CLPSL1: variants seen among roughly 807,000 people sequenced by gnomAD.
CLPSL1 encodes colipase like 1, also known as colipase-like protein 1.
Under a neutral mutation model 9.3 loss-of-function variants are expected in CLPSL1, and 13 were observed. The ratio of observed to expected loss-of-function variants is 1.40; its 90% confidence interval spans 0.91 to 2.22. The LOEUF (loss-of-function observed/expected upper bound fraction) is 2.22. Among genes scored for constraint, CLPSL1 ranks in the 30% most tolerant of loss-of-function variants. CLPSL1 has a pLI of 0.00. For missense variants in CLPSL1, 164 were observed against 146.6 expected (o/e 1.12, Z -0.61); for synonymous variants, 58 against 56.9 (o/e 1.02, Z -0.08).
At chr6:35,785,759 CCTGT>C (rs1768057854) in intron 1 of CLPSL1, among the ~76,000 whole-genome samples, 1 of 151,962 alleles carries the variant, frequency 6.6e-6, no homozygotes, top group Non-Finnish European at 1.5e-5. Flanking sequence ...CCCACTCATG[CCTGT>C]CTAACTACCT....
At chr6:35,788,806 A>G (rs1210329423), downstream of CLPSL1, among the ~76,000 whole-genome samples, 4 of 152,280 alleles carry the variant, frequency 2.6e-5, no homozygotes, top group Admixed American at 2.6e-4. Flanking sequence ...AGGAAGTCTC[A>G]GTGTGTGGTG....
chr6:35,791,150 G>A (rs1361139381), downstream of CLPSL1, among the ~76,000 whole-genome samples: 2 of 152,234 alleles, frequency 1.3e-5, no homozygotes, highest in Non-Finnish European at 2.9e-5. Flanking sequence ...CCCTTCACAA[G>A]CCATGGGGAT....
Position 35,788,042 on chromosome 6 carries a change from C to T in CLPSL1, c.*32C>T, listed in dbSNP as rs1427151675. The T allele has an allele frequency of 2.6e-6, 4 of 1,530,948 alleles. No individual in the cohort carries two copies. The African/African-American group carries it at 4.1e-5, about 16-fold the overall frequency. 94.8% of individuals were successfully genotyped at this position (1,530,948 alleles called of 1,614,324 possible). A position where few individuals can be genotyped will look rare whatever the true frequency, so the allele number is the denominator to read the frequency against. On this transcript the variant is annotated 3_prime_UTR_variant, in exon 3 of 3. Transcript: ENST00000373861. Reference sequence around the variant, plus strand: ...CTCCTTCTTGCTGCCTCCTCCTCCTCCACCTGCTCTCCTCCCTACCCAGAG... The same window carrying T: ...CTCCTTCTTGCTGCCTCCTCCTCCTTCACCTGCTCTCCTCCCTACCCAGAG...
At chr6:35,788,692 AAGG>A (rs1768136973), downstream of CLPSL1, among the ~76,000 whole-genome samples, 1 of 151,790 alleles carries the variant, frequency 6.6e-6, no homozygotes, top group African/African-American at 2.4e-5. Context: ...ACAAGAAAAG[AAGG>A]AAGGAAGGAA....
rs2151061442 is a variant in CLPSL1 at position 35,787,003 on chromosome 6, C to T, written c.105C>T (p.Leu35=). 1.3e-6 allele frequency: 2 copies of T among 1,579,022 alleles called. No individual in the cohort carries two copies. Among genetic ancestry groups the T allele is most frequent in the Non-Finnish European group, 1.7e-6 (2 of 1,164,256 alleles). Residue 35 remains leucine (L), a synonymous_variant, in exon 2 of 3, where the codon CTC becomes CTT. Coordinates refer to ENST00000373861, the MANE Select transcript of CLPSL1 (RefSeq NM_001010886.5). ...TGCCGTGTCCCTCCCTGCAGGAGCT[C>T]AAGGAGTCTTGCATCCGGAACCAGG... is the stretch of plus-strand genomic sequence containing the variant. The part of the protein sequence containing the change: ...LSPTKYNLLE[L]KESCIRNQDC...
downstream of CLPSL1, among the ~76,000 whole-genome samples, chr6:35,789,842 C>G (rs1194090296): frequency 6.6e-6 from 1 of 152,058 alleles, no homozygotes; most frequent in African/African-American, 2.4e-5. Context: ...TGCAGTGAGC[C>G]GAGATCATAC....
downstream of CLPSL1, chr6:35,793,741 A>T (rs1037980174): frequency 8.0e-6 from 3 of 372,840 alleles, no homozygotes; most frequent in Non-Finnish European, 1.6e-5. Context: ...TGGTTACAGG[A>T]GGATTCATTG....
At chr6:35,791,116 A>G (rs1392807476), downstream of CLPSL1, among the ~76,000 whole-genome samples, 2 of 152,210 alleles carry the variant, frequency 1.3e-5, no homozygotes, top group Admixed American at 6.5e-5. Flanking sequence ...AATAATTTTT[A>G]TGCTTCAGTG....
downstream of CLPSL1, among the ~76,000 whole-genome samples, chr6:35,789,875 G>A (rs6939977): frequency 6.6e-6 from 1 of 151,902 alleles, no homozygotes; most frequent in South Asian, 2.1e-4. Context: ...GCCTGGGCAA[G>A]AGAGCAAGAC....
chr6:35,792,123 A>C (rs1561943756), downstream of CLPSL1, among the ~76,000 whole-genome samples: 1 of 148,430 alleles, frequency 6.7e-6, no homozygotes, highest in Non-Finnish European at 1.5e-5. Context: ...ATAAATAAAT[A>C]AATTAGCCAG....
chr6:35,787,919 T>C lies in CLPSL1; in HGVS notation c.275T>C (p.Ile92Thr), dbSNP rs1263391721. 6.2e-7 allele frequency: 1 copy of C among 1,610,110 alleles called. No homozygotes were observed. Among genetic ancestry groups the C allele is most frequent in the African/African-American group, 1.3e-5 (1 of 74,862 alleles). Residue 92 changes from isoleucine (I) to threonine (T), a missense_variant, in exon 3 of 3, where the codon ATA becomes ACA. Ile to Thr is a moderately conservative substitution (Grantham distance 89). Transcript: ENST00000373861. ...CCCTGCCTGCGGAACCTGACTTGTA[T>C]ATATTCAAAGAATGAGAAATGGCTT... ...ACPCLRNLTC[I>T]YSKNEKWLSI...
At chr6:35,782,582 G>A (rs75511550) in intron 1 of CLPSL1, among the ~76,000 whole-genome samples, 2,458 of 152,326 alleles carry the variant, frequency 0.016, 60 homozygotes, top group African/African-American at 0.056. Context: ...GGCAGGAGGG[G>A]GAGGCAGCCG....
At chr6:35,789,885 C>A (rs1336653758), downstream of CLPSL1, among the ~76,000 whole-genome samples, 6 of 149,362 alleles carry the variant, frequency 4.0e-5, no homozygotes, top group African/African-American at 1.5e-4. Context: ...GAGAGCAAGA[C>A]CCTGTCTCAA....
chr6:35,793,560 G>T lies in CLPSL1; in HGVS notation c.*25G>T, dbSNP rs151086454. 4.8e-4 allele frequency: 225 copies of T among 471,780 alleles called. 1 individual carries two copies. Among genetic ancestry groups the T allele is most frequent in the African/African-American group, 3.9e-3 (198 of 50,194 alleles). 29.2% of individuals were successfully genotyped at this position (471,780 alleles called of 1,614,324 possible). On this transcript the variant is annotated 3_prime_UTR_variant, in exon 2 of 2. Transcript: ENST00000428710. ...AAGTCATGAGCTGCTGCTAAGGCAT[G>T]TGGCAACCTTGAAGAGAAGGTCAAG...
chr6:35,786,955 A>G lies in CLPSL1; in HGVS notation c.100-43A>G, dbSNP rs1001488096. The G allele has an allele frequency of 2.6e-6, 4 of 1,549,226 alleles. No homozygotes were observed. The Admixed American group carries it at 5.9e-5, about 23-fold the overall frequency. On this transcript the variant is annotated intron_variant, in intron 1 of 2. Coordinates refer to ENST00000373861, the MANE Select transcript of CLPSL1 (RefSeq NM_001010886.5). ...CCCCAGGCGGGGCGGCGAGGGCGGA[A>G]GGCGGGCGGTGGAGCCTGGCGGTGC...
intron 1 of CLPSL1, among the ~76,000 whole-genome samples, chr6:35,784,090 A>G (rs746204955): frequency 2.6e-4 from 39 of 151,858 alleles, no homozygotes; most frequent in Non-Finnish European, 4.3e-4. Context: ...GCTTGCTTTT[A>G]TACACATTGG....
chr6:35,787,895 C>G lies in CLPSL1; in HGVS notation c.251C>G (p.Pro84Arg). 1 of 1,607,880 alleles carries G rather than the reference C, an allele frequency of 6.2e-7. No homozygotes were observed. The highest frequency in any genetic ancestry group is 8.5e-7 in the Non-Finnish European group (1 of 1,174,456). Residue 84 changes from proline (P) to arginine (R), a missense_variant, in exon 3 of 3, where the codon CCC (proline) becomes CGC (arginine). Physicochemically the swap from Pro to Arg is moderately radical, Grantham distance 103. Transcript: ENST00000373861. The part of the protein sequence containing the change: ...QVFFGQYRAC[P>R]CLRNLTCIYS... ...TTCTTTGGCCAATATAGAGCGTGTC[C>G]CTGCCTGCGGAACCTGACTTGTATA...
chr6:35,786,904 TG>T, intron 1 of CLPSL1, 93 bp from the exon 2 acceptor site: 2 of 1,450,286 alleles, frequency 1.4e-6, no homozygotes, highest in East Asian at 2.5e-5. Context: ...GAGCAGAGTC[TG>T]GGGAGGAGCC....
chr6:35,789,502 G>A (rs1768148499), downstream of CLPSL1, among the ~76,000 whole-genome samples: 1 of 152,234 alleles, frequency 6.6e-6, no homozygotes, highest in Non-Finnish European at 1.5e-5. Flanking sequence ...AAAATATAGG[G>A]GAACTATTAC....
Sources: gnomAD v4.1 joint callset for allele counts (sites outside exome capture counted in the v4.1 genomes callset) on GRCh38, gnomAD v4.1.1 for gene constraint, MANE v1.5 for transcripts, NCBI Gene and HGNC (gene_info 2026-07-23, HGNC 2026-07-21) for gene names.